The following FRMD4A variants were observed in gnomAD, a reference collection of about 807,000 sequenced individuals.
The protein encoded by FRMD4A is FERM domain-containing protein 4A.
A neutral mutation model predicts 129.1 loss-of-function variants in FRMD4A; 29 were observed. The observed-to-expected ratio is 0.22, with a 90% confidence interval of 0.17 to 0.31. The LOEUF (loss-of-function observed/expected upper bound fraction) is 0.31. FRMD4A is among the 10% of genes least tolerant of loss of function. The pLI, the probability that FRMD4A is intolerant of heterozygous loss-of-function variation, is 1.00. For synonymous variants in FRMD4A, 634 were observed against 571.6 expected, an observed-to-expected ratio of 1.11 and a Z score of -1.56; for missense variants, 1,272 against 1,375.8, an observed-to-expected ratio of 0.92 and a Z score of 1.19.
chr10:13,747,802 C>G lies in FRMD4A; in HGVS notation c.482G>C (p.Ser161Thr), dbSNP rs947007752. The G allele has an allele frequency of 1.3e-6, 2 of 1,594,792 alleles. No individual in the cohort carries two copies. The highest frequency in any genetic ancestry group is 1.7e-6 in the Non-Finnish European group (2 of 1,162,490). ...GDFSSNEVVR[S>T]DLKKLPALPT... Reference sequence around the variant, plus strand: ...AAGGGCTGGCAGCTTCTTCAAGTCACTCCTCACAACTTCATTGCTGAAAGA... The same window carrying G: ...AAGGGCTGGCAGCTTCTTCAAGTCAGTCCTCACAACTTCATTGCTGAAAGA... Residue 161 changes from serine (S) to threonine (T), a missense_variant, in exon 9 of 25, where the codon AGT (serine) becomes ACT (threonine). Around this residue, in one of 2 missense-constraint regions of FRMD4A, gnomAD observed 300 missense variants for 483.6 expected, o/e 0.62. Coordinates refer to ENST00000357447, the MANE Select transcript of FRMD4A (RefSeq NM_018027.5).
At chr10:13,874,892 A>G (rs559281948) in intron 2 of FRMD4A, among the ~76,000 whole-genome samples, 1 of 152,304 alleles carries the variant, frequency 6.6e-6, no homozygotes, top group South Asian at 2.1e-4. Context: ...AGGAACTTCT[A>G]TGTTCTGTAG....
intron 2 of FRMD4A, among the ~76,000 whole-genome samples, chr10:13,930,167 T>C (rs1359029912): frequency 1.3e-5 from 2 of 152,156 alleles, no homozygotes; most frequent in Non-Finnish European, 2.9e-5. Flanking sequence ...GAGAACTATG[T>C]ATTTGTGGAG....
At chr10:13,975,761 G>T (rs1370018143) in intron 2 of FRMD4A, among the ~76,000 whole-genome samples, 1 of 151,508 alleles carries the variant, frequency 6.6e-6, no homozygotes, top group Non-Finnish European at 1.5e-5. Context: ...GTGTTTCTAT[G>T]TGTGTGTGTA....
chr10:13,881,527 G>A (rs1190957770), intron 2 of FRMD4A, among the ~76,000 whole-genome samples: 4 of 152,160 alleles, frequency 2.6e-5, no homozygotes, highest in Non-Finnish European at 4.4e-5. Flanking sequence ...GCAGAGAGAA[G>A]AGCTGACCAT....
intron 3 of FRMD4A, among the ~76,000 whole-genome samples, chr10:13,856,091 C>T (rs1211869829): frequency 6.6e-6 from 1 of 150,838 alleles, no homozygotes; most frequent in African/African-American, 2.4e-5. Flanking sequence ...CTATCAATGC[C>T]TAGATAAATA....
chr10:13,917,058 T>C (rs1263928417), intron 2 of FRMD4A, among the ~76,000 whole-genome samples: 3 of 152,182 alleles, frequency 2.0e-5, no homozygotes, highest in African/African-American at 7.2e-5. Context: ...TAAAAAAGTT[T>C]CAATATAGCA....
intron 8 of FRMD4A, among the ~76,000 whole-genome samples, chr10:13,761,392 T>C (rs990784878): frequency 6.6e-5 from 10 of 152,238 alleles, no homozygotes; most frequent in African/African-American, 2.4e-4. Context: ...AATGGGCATG[T>C]GTGACGCTGG....
In FRMD4A at chr10:13,645,327, A is replaced by T. The variant is rs1281766720; in HGVS notation, c.*1711T>A. The T allele has an allele frequency of 6.6e-6, 1 of 150,608 alleles. No individual in the cohort carries two copies. The highest frequency in any genetic ancestry group is 2.1e-4 in the South Asian group (1 of 4,682). The allele number at this position is 150,608 out of a possible 1,614,324, so 9.3% of individuals were successfully genotyped here. A position where few individuals can be genotyped will look rare whatever the true frequency, so the allele number is the denominator to read the frequency against. ...CCCTGGCTGTCAATGCCTTTCCAAT[A>T]GGAAGTCATTAGAGTGAGAAAAAAA... On this transcript the variant is annotated 3_prime_UTR_variant, in exon 25 of 25. Coordinates refer to ENST00000357447, the MANE Select transcript of FRMD4A (RefSeq NM_018027.5).
Position 13,657,168 on chromosome 10 carries a change from G to A in FRMD4A, c.2421C>T (p.Arg807=). ...CGCCCCCCGCGCCCCCCGCACCCCCGCGCGCCGCCAGGTTGGGCATGCTGC... is the reference window on the plus strand; with the variant it reads ...CGCCCCCCGCGCCCCCCGCACCCCCACGCGCCGCCAGGTTGGGCATGCTGC... ...SSGSMPNLAA[R]GGAGGAGGAG... is the part of the protein sequence containing the mutation. Residue 807 remains arginine (R), a synonymous_variant, in exon 22 of 25, where the codon CGC becomes CGT. Coordinates refer to ENST00000357447, the MANE Select transcript of FRMD4A (RefSeq NM_018027.5). 1 of 840,044 alleles carries A rather than the reference G, an allele frequency of 1.2e-6. No individual in the cohort carries two copies. The highest frequency in any genetic ancestry group is 1.7e-5 in the South Asian group (1 of 58,878). The allele number at this position is 840,044 out of a possible 1,614,324, so 52.0% of individuals were successfully genotyped here.
intron 2 of FRMD4A, among the ~76,000 whole-genome samples, chr10:14,159,191 G>A (rs1398347276): frequency 6.6e-6 from 1 of 152,176 alleles, no homozygotes; most frequent in Non-Finnish European, 1.5e-5. Context: ...AACTACTTGG[G>A]CATATAGCCA....
chr10:13,830,943 C>G (rs1323176210), intron 3 of FRMD4A, among the ~76,000 whole-genome samples: 1 of 152,178 alleles, frequency 6.6e-6, no homozygotes, highest in African/African-American at 2.4e-5. Flanking sequence ...GCACCCACCA[C>G]CAGGCCTGGC....
In FRMD4A at chr10:14,261,492, A is replaced by T. The variant is rs115927066; in HGVS notation, c.45+68566T>A. 6.5e-3 allele frequency among the ~76,000 whole-genome samples: 987 copies of T among 152,270 alleles called. 13 individuals are homozygous for T. Among genetic ancestry groups the T allele is most frequent in the African/African-American group, 0.022 (920 of 41,544 alleles). ...ACGCTTCTTCTTCTCTGAGGACTCA[A>T]ATTAAAGCTGCCACTTCTGTCATGA... On this transcript the variant is annotated intron_variant, in intron 2 of 24. Transcript: ENST00000357447.
chr10:13,658,174 T>C (rs1472784406), intron 21 of FRMD4A, among the ~76,000 whole-genome samples: 1 of 136,730 alleles, frequency 7.3e-6, no homozygotes, highest in South Asian at 2.4e-4. Context: ...ACAAACCAGA[T>C]GAAATGTCCC....
At position 14,196,132 on chromosome 10, in the gene FRMD4A, CACATAA is replaced by C. The variant is rs1228393854; in HGVS notation, c.45+133920_45+133925del. Among the ~76,000 whole-genome samples, 3 of 150,644 alleles carry C rather than the reference CACATAA, an allele frequency of 2.0e-5. No homozygotes were observed. The Admixed American group carries it at 2.0e-4, about 10-fold the overall frequency. ...GCTTGACCATAAACACACAGGTGTG[CACATAA>C]ACATATATACTCACATGCACACACA... On this transcript the variant is annotated intron_variant, in intron 2 of 24. Transcript: ENST00000357447.
chr10:14,008,263 T>C (rs144090832), intron 2 of FRMD4A: 49 of 1,052,726 alleles, frequency 4.7e-5, no homozygotes, highest in Non-Finnish European at 5.1e-5. Context: ...TATGGTCTCC[T>C]GGAGGGTTCC....
intron 5 of FRMD4A, among the ~76,000 whole-genome samples, chr10:13,785,402 A>G (rs2092828953): frequency 6.6e-6 from 1 of 152,120 alleles, no homozygotes. Context: ...CCTGCCAAGC[A>G]CCTGCCCCCT....
rs773490881 is a variant in FRMD4A, at chr10:13,693,744, G to C, written c.1117+154C>G. The stretch of plus-strand genomic sequence containing the variant: ...TCCTGGGAGCAGTTTTCTCAGATTC[G>C]CATTTGGATCCCAACCTTGGTCTGG... On this transcript the variant is annotated intron_variant, in intron 15 of 24. Coordinates refer to ENST00000357447, the MANE Select transcript of FRMD4A (RefSeq NM_018027.5). 2.0e-5 allele frequency: 16 copies of C among 803,652 alleles called. No homozygotes were observed. In the South Asian group the frequency reaches 2.2e-4, roughly 11 times the overall value. 49.8% of individuals were successfully genotyped at this position (803,652 alleles called of 1,614,324 possible). A position where few individuals can be genotyped will look rare whatever the true frequency, so the allele number is the denominator to read the frequency against.
chr10:13,812,813 T>C (rs541874851), intron 3 of FRMD4A, among the ~76,000 whole-genome samples: 162 of 152,318 alleles, frequency 1.1e-3, no homozygotes, highest in African/African-American at 3.7e-3. Flanking sequence ...TACCACCTCA[T>C]AGTCTATACT....
chr10:13,801,488 T>A (rs1309772481), intron 4 of FRMD4A, among the ~76,000 whole-genome samples: 3 of 152,018 alleles, frequency 2.0e-5, no homozygotes, highest in East Asian at 1.9e-4. Context: ...AAACCTGGAG[T>A]CCTCGGATTC....
Sources: allele counts gnomAD v4.1 joint callset (sites outside exome capture counted in the v4.1 genomes callset), GRCh38; gene constraint gnomAD v4.1.1; regional missense constraint gnomAD v4.1.1; transcripts MANE v1.5; gene names NCBI Gene and HGNC (gene_info 2026-07-23, HGNC 2026-07-21).